The following ABCF1 variants were observed in gnomAD, a reference collection of about 807,000 sequenced individuals.
ABCF1 encodes the protein ATP binding cassette subfamily F member 1.
Under a neutral mutation model 126.3 loss-of-function variants are expected in ABCF1, and 73 were observed. The observed-to-expected ratio is 0.58, with a 90% CI of 0.48 to 0.70. The LOEUF is 0.70. Ranked by LOEUF, ABCF1 falls within the 30% of genes least tolerant of loss-of-function variation. The probability of loss-of-function intolerance (pLI) is 0.00; values close to 1 mark genes in which losing one functional copy is unlikely to be tolerated. For missense variants in ABCF1, 786 were observed against 1,057.5 expected (o/e 0.74, Z 3.56); for synonymous variants, 345 against 396.4 (o/e 0.87, Z 1.54).
At chr6:30,573,211 A>G (rs1012738352) in intron 1 of ABCF1, among the ~76,000 whole-genome samples, 24 of 152,240 alleles carry the variant, frequency 1.6e-4, no homozygotes, top group Middle Eastern at 3.2e-3. Flanking sequence ...AGGAGGCGGC[A>G]TTGATCGGAA....
Position 30,578,511 on chromosome 6 carries a change from G to A in ABCF1, c.423G>A (p.Glu141=). The part of the protein sequence containing the change: ...VFAALIQDQS[E]EEEEEEKHPP... ...CAGCCCTGATTCAGGATCAGAGTGA[G>A]GAAGAGGAGGAGGAAGAAAAACATC... Residue 141 remains glutamate, a synonymous_variant, in exon 6 of 25, where the codon GAG becomes GAA. Coordinates refer to ENST00000326195, the MANE Select transcript of ABCF1 (RefSeq NM_001025091.2). 6.2e-7 allele frequency: 1 copy of A among 1,613,976 alleles called. No individual in the cohort carries two copies. The highest frequency in any genetic ancestry group is 8.5e-7 in the Non-Finnish European group (1 of 1,179,974).
At position 30,572,985 on chromosome 6, in the gene ABCF1, C is replaced by T. The variant is rs151218088; in HGVS notation, c.73+1425C>T. On this transcript the variant is annotated intron_variant, in intron 1 of 24. Coordinates refer to ENST00000326195, the MANE Select transcript of ABCF1 (RefSeq NM_001025091.2). ...TAATGAAAGGCTTTAGATGCCATTC[C>T]GAGGAGTTTAATCCTAAAGACATTA... Among the ~76,000 whole-genome samples, 1,175 of 152,220 alleles carry T rather than the reference C, an allele frequency of 7.7e-3. 6 individuals carry two copies. Among genetic ancestry groups the T allele is most frequent in the Non-Finnish European group, 0.011 (743 of 68,012 alleles).
chr6:30,586,575 T>C lies in ABCF1; in HGVS notation c.1960+27T>C. On this transcript the variant is annotated intron_variant, in intron 19 of 24. Coordinates refer to ENST00000326195, the MANE Select transcript of ABCF1 (RefSeq NM_001025091.2). The surrounding 1 kb of genome is among the most constrained non-coding windows in gnomAD (Gnocchi z 4.9). ...TGAGTTGGCGGGGTTGCCTCAGGGA[T>C]GTGTAGCAGGAGCCACAGGGAGAGT... is the stretch of plus-strand genomic sequence containing the variant. The C allele has an allele frequency of 6.2e-7, 1 of 1,613,146 alleles. No homozygotes were observed. The highest frequency in any genetic ancestry group is 8.5e-7 in the Non-Finnish European group (1 of 1,179,858).
chr6:30,589,557 C>T (rs1802327828), intron 20 of ABCF1, 131 bp from the exon 21 acceptor site: 18 of 1,023,574 alleles, frequency 1.8e-5, no homozygotes, highest in Non-Finnish European at 2.3e-5. Context: ...GAGCCGAGAT[C>T]GCGCCACTGC....
At chr6:30,578,293 G>C (rs1801617842) in intron 4 of ABCF1, 55 bp from the exon 5 acceptor site, 6 of 1,613,740 alleles carry the variant, frequency 3.7e-6, no homozygotes, top group South Asian at 1.1e-5. Flanking sequence ...GATTCAATTG[G>C]GGGGCCAGAC....
At chr6:30,572,600 T>C (rs1199840750) in intron 1 of ABCF1, among the ~76,000 whole-genome samples, 1 of 151,926 alleles carries the variant, frequency 6.6e-6, no homozygotes, top group Non-Finnish European at 1.5e-5. Flanking sequence ...ACCTCCTGGG[T>C]TTAAAGGATC....
intron 6 of ABCF1, among the ~76,000 whole-genome samples, chr6:30,579,455 A>ATT (rs9281009): frequency 0.022 from 2,450 of 112,056 alleles, 95 homozygotes; most frequent in Middle Eastern, 0.03. Flanking sequence ...AGTTGGAACT[A>ATT]TTTTTTTTTT....
In ABCF1 at chr6:30,586,075, T is replaced by A. The variant is rs1802105990; in HGVS notation, c.1714-59T>A. 6.3e-7 allele frequency: 1 copy of A among 1,595,234 alleles called. No homozygotes were observed. Among genetic ancestry groups the A allele is most frequent in the Non-Finnish European group, 8.5e-7 (1 of 1,172,338 alleles). On this transcript the variant is annotated intron_variant, in intron 17 of 24. Transcript: ENST00000326195. The surrounding 1 kb of genome is among the most constrained non-coding windows in gnomAD (Gnocchi z 4.9). ...AGAAGGAGACTCTGGAACGCTGGCC[T>A]ACATTTCAAGGACTGCCGCGCAGGG...
chr6:30,571,645 G>T, intron 1 of ABCF1, 85 bp downstream of exon 1: 1 of 1,442,988 alleles, frequency 6.9e-7, no homozygotes, highest in Non-Finnish European at 9.5e-7. Context: ...CATGGGGCAC[G>T]AGACTGACCG....
In ABCF1 at chr6:30,584,120, G is replaced by A. The variant is rs980007521; in HGVS notation, c.1103-72G>A. On this transcript the variant is annotated intron_variant, in intron 12 of 24. Transcript: ENST00000326195. This position sits in a 1 kb window ranked among gnomAD's most constrained non-coding sequence, Gnocchi z 4.6. ...GGGCAGGGTCAGGCAAAACAGAAAT[G>A]TAATTGAAGGGAAAGAAAGATGAGA... 1.3e-6 allele frequency: 2 copies of A among 1,556,408 alleles called. No homozygotes were observed. The highest frequency in any genetic ancestry group is 1.7e-6 in the Non-Finnish European group (2 of 1,154,666).
intron 8 of ABCF1, 83 bp downstream of exon 8, chr6:30,580,602 T>C: frequency 1.2e-6 from 1 of 803,380 alleles, no homozygotes; most frequent in Non-Finnish European, 1.8e-6. Context: ...TCTGGGGATA[T>C]AGTTATTATC....
intron 21 of ABCF1, 26 bp from the exon 22 acceptor site, chr6:30,589,780 G>T (rs1027762364): frequency 4.3e-6 from 7 of 1,613,970 alleles, no homozygotes; most frequent in Non-Finnish European, 5.9e-6. Flanking sequence ...GACTTTAACC[G>T]ACCACCTCCC....
chr6:30,572,334 C>T (rs1371836716), intron 1 of ABCF1, among the ~76,000 whole-genome samples: 2 of 152,094 alleles, frequency 1.3e-5, no homozygotes, highest in Non-Finnish European at 1.5e-5. Context: ...TAAGACTTTC[C>T]CTCAAGGGAC....
At position 30,586,179 on chromosome 6, in the gene ABCF1, C is replaced by T. The variant is rs778244915; in HGVS notation, c.1759C>T (p.Arg587Ter). Reference sequence around the variant, plus strand: ...CCTGACTCGGAAGCAGCAGAAATGCCGACGGAAAAACCAAGATGAGGAATC... The same window carrying T: ...CCTGACTCGGAAGCAGCAGAAATGCTGACGGAAAAACCAAGATGAGGAATC... The part of the protein sequence containing the change: ...EALTRKQQKC[R>*]RKNQDEESQE... Residue 587 changes from arginine to a stop codon, truncating the protein, a stop_gained, in exon 18 of 25, where the codon CGA (arginine) becomes TGA (stop). Transcript: ENST00000326195. LOFTEE classifies it high-confidence loss of function. This position sits in a 1 kb window ranked among gnomAD's most constrained non-coding sequence, Gnocchi z 4.9. 3.1e-6 allele frequency: 5 copies of T among 1,613,918 alleles called. No homozygotes were observed. Among genetic ancestry groups the T allele is most frequent in the East Asian group, 2.2e-5 (1 of 44,864 alleles).
At position 30,585,653 on chromosome 6, in the gene ABCF1, A is replaced by G. The variant is rs1324983336; in HGVS notation, c.1571A>G (p.Gln524Arg). Residue 524 changes from glutamine to arginine, a missense_variant, in exon 16 of 25, where the codon CAG (glutamine) becomes CGG (arginine). Gln to Arg is a conservative substitution (Grantham distance 43). Around this residue, in one of 4 missense-constraint regions of ABCF1, gnomAD observed 288 missense variants for 423.5 expected, o/e 0.68. Transcript: ENST00000326195. ...VCTDIIHLDA[Q>R]RLHYYRGNYM... is the part of the protein sequence containing the mutation. ...ACTGATATCATCCACCTCGATGCCC[A>G]GCGGCTCCACTACTATAGGGGCAAT... The G allele has an allele frequency of 4.3e-6, 7 of 1,612,920 alleles. No homozygotes were observed. The highest frequency in any genetic ancestry group is 5.9e-6 in the Non-Finnish European group (7 of 1,180,030).
intron 21 of ABCF1, 26 bp downstream of exon 21, chr6:30,589,746 A>G: frequency 6.2e-7 from 1 of 1,614,186 alleles, no homozygotes; most frequent in South Asian, 1.1e-5. Context: ...GATTTAGGGA[A>G]TGATAATCTG....
chr6:30,577,725 AG>A, intron 2 of ABCF1, 92 bp from the exon 3 acceptor site: 3 of 1,211,620 alleles, frequency 2.5e-6, no homozygotes, highest in South Asian at 2.6e-5. Context: ...GTGAGGGTGG[AG>A]TGGAGGGCCA....
chr6:30,582,283 C>T, intron 8 of ABCF1, 111 bp from the exon 9 acceptor site: 2 of 654,768 alleles, frequency 3.1e-6, no homozygotes, highest in Non-Finnish European at 5.4e-6. Flanking sequence ...GTCTTGATCT[C>T]CTGACCTTGG....
chr6:30,590,529 T>A lies in ABCF1; in HGVS notation c.2372-6T>A. 1 of 1,607,440 alleles carries A rather than the reference T, an allele frequency of 6.2e-7. No individual in the cohort carries two copies. Among genetic ancestry groups the A allele is most frequent in the Non-Finnish European group, 8.5e-7 (1 of 1,177,716 alleles). On this transcript the variant is annotated splice_region_variant and splice_polypyrimidine_tract_variant and intron_variant, in intron 24 of 24. Transcript: ENST00000326195. ...TGCCCTCTGTTGTTGCTATCTTTCT[T>A]CAAAGCTGTGATCGTTGTCAGCCAT...
Sources: allele counts gnomAD v4.1 joint callset (sites outside exome capture counted in the v4.1 genomes callset), GRCh38; gene constraint gnomAD v4.1.1; regional missense constraint gnomAD v4.1.1; non-coding constraint Gnocchi (gnomAD v3.1); transcripts MANE v1.5; gene names NCBI Gene and HGNC (gene_info 2026-07-23, HGNC 2026-07-21).